The following KLHDC4 variants were observed in gnomAD, a reference collection of about 807,000 sequenced individuals.
KLHDC4 encodes the protein kelch domain-containing protein 4.
A neutral mutation model predicts 62.4 loss-of-function variants in KLHDC4; 90 were observed. The ratio of observed to expected loss-of-function variants is 1.44; its 90% CI spans 1.22 to 1.72. The LOEUF is 1.72. Among genes scored for constraint, KLHDC4 ranks in the 40% most tolerant of loss-of-function variants. The pLI, the probability that KLHDC4 is intolerant of heterozygous loss-of-function variation, is 0.00. For missense variants in KLHDC4, 1,025 were observed against 699.7 expected (o/e 1.47, Z -5.25); for synonymous variants, 386 against 284.4 (o/e 1.36, Z -3.59).
chr16:87,748,533 C>G, intron 5 of KLHDC4, 140 bp downstream of exon 5: 1 of 1,083,756 alleles, frequency 9.2e-7, no homozygotes, highest in Non-Finnish European at 1.3e-6. Flanking sequence ...TCTCCCAGGA[C>G]CCAGCGAGGC....
chr16:87,714,905 C>T (rs986406947), intron 7 of KLHDC4, among the ~76,000 whole-genome samples: 1 of 152,236 alleles, frequency 6.6e-6, no homozygotes, highest in African/African-American at 2.4e-5. Flanking sequence ...TACAGAGTCA[C>T]TCTTTGTTCC....
intron 7 of KLHDC4, among the ~76,000 whole-genome samples, chr16:87,721,623 A>T (rs1374597006): frequency 6.6e-6 from 1 of 152,070 alleles, no homozygotes; most frequent in Non-Finnish European, 1.5e-5. Flanking sequence ...GTCAGCCGGG[A>T]TCTCCCAAGT....
intron 5 of KLHDC4, 73 bp downstream of exon 5, chr16:87,748,600 C>T: frequency 6.3e-7 from 1 of 1,586,142 alleles, no homozygotes; most frequent in Non-Finnish European, 8.6e-7. Context: ...GAGGTCTGCT[C>T]CGAGCACTCG....
exon 1 of KLHDC4, chr16:87,700,520 A>C (rs1161278024): frequency 2.6e-5 from 3 of 114,988 alleles, no homozygotes; most frequent in African/African-American, 1.1e-4. Flanking sequence ...GGAGGGAGGA[A>C]AGAGGGTGGA....
At chr16:87,735,741 CAT>C (rs1407767748) in intron 5 of KLHDC4, among the ~76,000 whole-genome samples, 9 of 152,232 alleles carry the variant, frequency 5.9e-5, no homozygotes, top group South Asian at 4.1e-4. Context: ...AAAAAATCCA[CAT>C]GTCCTCCTCA....
chr16:87,765,428 A>T, intron 1 of KLHDC4: 1 of 491,806 alleles, frequency 2.0e-6, no homozygotes, highest in Non-Finnish European at 4.0e-6. Flanking sequence ...GCTCAACCTC[A>T]GGTCTTCCTG....
At chr16:87,757,151 A>T (rs148240714) in intron 2 of KLHDC4, among the ~76,000 whole-genome samples, 175 of 151,760 alleles carry the variant, frequency 1.2e-3, no homozygotes, top group African/African-American at 3.9e-3. Context: ...TATCCTGTCA[A>T]ATCACCTCAA....
chr16:87,714,038 G>A (rs1354029339), intron 8 of KLHDC4, among the ~76,000 whole-genome samples: 1 of 152,080 alleles, frequency 6.6e-6, no homozygotes, highest in African/African-American at 2.4e-5. Context: ...CCCCTGGCTG[G>A]GAAGCCCACA....
intron 4 of KLHDC4, among the ~76,000 whole-genome samples, chr16:87,751,686 A>T (rs1334581845): frequency 2.0e-5 from 3 of 152,224 alleles, no homozygotes; most frequent in Non-Finnish European, 2.9e-5. Context: ...TGGGAGGCTC[A>T]TGTGGGAGGA....
chr16:87,762,347 G>C (rs1435434293), intron 1 of KLHDC4, among the ~76,000 whole-genome samples: 1 of 152,112 alleles, frequency 6.6e-6, no homozygotes, highest in South Asian at 2.1e-4. Flanking sequence ...GACACTCTCA[G>C]CACCTCTCAT....
intron 10 of KLHDC4, 161 bp from the exon 11 acceptor site, chr16:87,708,627 G>C (rs1380441764): frequency 1.6e-5 from 7 of 446,096 alleles, no homozygotes; most frequent in Admixed American, 7.8e-5. Context: ...ATCCACAAAG[G>C]AAACAGACTG....
intron 9 of KLHDC4, chr16:87,710,424 G>A (rs771372564): frequency 6.6e-6 from 1 of 152,280 alleles, no homozygotes; most frequent in Non-Finnish European, 1.5e-5. Context: ...TCCACTTTGT[G>A]TCTGGACTCT....
chr16:87,713,005 G>A (rs1336889592), intron 8 of KLHDC4, among the ~76,000 whole-genome samples: 2 of 152,218 alleles, frequency 1.3e-5, no homozygotes, highest in African/African-American at 2.4e-5. Context: ...TTGCTCTGGA[G>A]CAGAACAAAT....
At chr16:87,765,356 T>C (rs1194749398) in intron 1 of KLHDC4, 2 of 459,874 alleles carry the variant, frequency 4.3e-6, no homozygotes, top group African/African-American at 4.0e-5. Flanking sequence ...GAAAGAAAAG[T>C]AAGGTTCAGA....
Position 87,711,343 on chromosome 16 carries a change from G to C in KLHDC4, c.936C>G (p.Phe312Leu). ...AMAPNHQTLF[F>L]GGVCDEEEEE... The stretch of plus-strand genomic sequence containing the variant: ...CCTCTTCCTCGTCACAGACACCCCC[G>C]AAGAACAGTGTCTGGTGATTCGGGG... The change falls in exon 9 of 12, where the codon TTC (phenylalanine) becomes TTG (leucine). Residue 312 changes from phenylalanine to leucine, a missense_variant. Physicochemically the swap from Phe to Leu is conservative, Grantham distance 22. Coordinates refer to ENST00000270583, the MANE Select transcript of KLHDC4 (RefSeq NM_017566.4). 1 of 1,613,932 alleles carries C rather than the reference G, an allele frequency of 6.2e-7. No homozygotes were observed. The highest frequency in any genetic ancestry group is 8.5e-7 in the Non-Finnish European group (1 of 1,180,000).
chr16:87,707,074 T>A (rs1030345858), downstream of KLHDC4, among the ~76,000 whole-genome samples: 1 of 152,200 alleles, frequency 6.6e-6, no homozygotes, highest in Non-Finnish European at 1.5e-5. Context: ...TTCCCACTGT[T>A]CAAAATATTT....
intron 7 of KLHDC4, among the ~76,000 whole-genome samples, chr16:87,724,145 C>G (rs943174987): frequency 6.6e-6 from 1 of 152,134 alleles, no homozygotes; most frequent in Non-Finnish European, 1.5e-5. Context: ...GCCTAAAAAG[C>G]CTTTCCAACA....
At chr16:87,722,176 T>C (rs1023597949) in intron 7 of KLHDC4, among the ~76,000 whole-genome samples, 1 of 152,170 alleles carries the variant, frequency 6.6e-6, no homozygotes, top group East Asian at 1.9e-4. Flanking sequence ...AGGATACAAG[T>C]CATCATAGTC....
At chr16:87,701,021 T>C (rs2034120559) in exon 1 of KLHDC4, 1 of 204,688 alleles carries the variant, frequency 4.9e-6, no homozygotes, top group Admixed American at 5.9e-5. Context: ...GCCAAGGAGG[T>C]TGCTGGCTCA....
Sources: allele counts gnomAD v4.1 joint callset (sites outside exome capture counted in the v4.1 genomes callset), GRCh38; gene constraint gnomAD v4.1.1; transcripts MANE v1.5; gene names NCBI Gene and HGNC (gene_info 2026-07-23, HGNC 2026-07-21).